The following OPCML variants were observed in gnomAD, a reference collection of about 807,000 sequenced individuals.
The protein encoded by OPCML is opioid binding protein/cell adhesion molecule like.
OPCML carries 13 observed loss-of-function variants against 37.8 expected under a neutral mutation model. The ratio of observed to expected loss-of-function variants is 0.34; its 90% CI spans 0.22 to 0.55. The LOEUF (loss-of-function observed/expected upper bound fraction) is 0.55, where lower values mean the gene tolerates loss of function less well. OPCML is among the 20% of genes least tolerant of loss of function. The pLI, the probability that OPCML is intolerant of heterozygous loss-of-function variation, is 0.91. For synonymous variants in OPCML, 176 were observed against 168.8 expected, an observed-to-expected ratio of 1.04 and a Z score of -0.33; for missense variants, 341 against 435.6, an observed-to-expected ratio of 0.78 and a Z score of 1.93.
chr11:133,242,625 T>A (rs1484000389), intron 1 of OPCML, among the ~76,000 whole-genome samples: 1 of 152,194 alleles, frequency 6.6e-6, no homozygotes, highest in Non-Finnish European at 1.5e-5. Context: ...ATTGTTATGA[T>A]CATATTTAAT....
intron 1 of OPCML, among the ~76,000 whole-genome samples, chr11:133,186,453 T>TTA (rs1299771756): frequency 2.0e-5 from 3 of 149,868 alleles, no homozygotes; most frequent in Non-Finnish European, 4.4e-5. Flanking sequence ...AAGTGGATGC[T>TTA]TACACCAGAT....
chr11:133,215,848 T>C (rs1344901981), intron 1 of OPCML, among the ~76,000 whole-genome samples: 1 of 152,122 alleles, frequency 6.6e-6, no homozygotes, highest in Non-Finnish European at 1.5e-5. Flanking sequence ...AATAAGACTT[T>C]GCACAAGCCG....
intron 1 of OPCML, among the ~76,000 whole-genome samples, chr11:133,373,424 A>AATATATATATATATATATATATAT (rs57417327): frequency 1.9e-3 from 229 of 117,606 alleles, no homozygotes; most frequent in Admixed American, 5.7e-3. Context: ...ACTTAATTAA[A>AATATATATATATATATATATATAT]ATATATATAT....
intron 1 of OPCML, among the ~76,000 whole-genome samples, chr11:132,981,665 A>T (rs1178890068): frequency 3.3e-5 from 5 of 152,218 alleles, no homozygotes; most frequent in Non-Finnish European, 7.3e-5. Flanking sequence ...ACAAAAAGAC[A>T]GCGATGGATG....
intron 1 of OPCML, among the ~76,000 whole-genome samples, chr11:133,436,355 G>T (rs1039019166): frequency 2.0e-5 from 3 of 152,188 alleles, no homozygotes; most frequent in Non-Finnish European, 2.9e-5. Context: ...GAGGCAACGG[G>T]TAAGGAACCG....
chr11:133,083,482 A>G (rs1019744161), intron 1 of OPCML, among the ~76,000 whole-genome samples: 2 of 152,200 alleles, frequency 1.3e-5, no homozygotes, highest in Non-Finnish European at 2.9e-5. Context: ...GGGGCCAGGC[A>G]GGGCCCCGGA....
chr11:132,816,089 G>A (rs12285031), intron 2 of OPCML, among the ~76,000 whole-genome samples: 6,262 of 152,296 alleles, frequency 0.041, 194 homozygotes, highest in Non-Finnish European at 0.071. Flanking sequence ...ACATGTTTGC[G>A]ATAGCTGTGC....
At chr11:133,143,120 T>A (rs1441443566) in intron 1 of OPCML, among the ~76,000 whole-genome samples, 1 of 151,962 alleles carries the variant, frequency 6.6e-6, no homozygotes, top group Non-Finnish European at 1.5e-5. Flanking sequence ...AGCTGGATGT[T>A]GGATGGATGT....
intron 3 of OPCML, among the ~76,000 whole-genome samples, chr11:132,618,859 A>T (rs950342196): frequency 2.6e-5 from 4 of 151,900 alleles, no homozygotes; most frequent in Non-Finnish European, 5.9e-5. Flanking sequence ...CACTCCTTGT[A>T]ACCTGCTCTT....
chr11:133,142,772 G>A (rs1230651419), intron 1 of OPCML, among the ~76,000 whole-genome samples: 1 of 152,076 alleles, frequency 6.6e-6, no homozygotes, highest in Non-Finnish European at 1.5e-5. Context: ...GATGGCTGTT[G>A]TATGATGGGA....
intron 1 of OPCML, among the ~76,000 whole-genome samples, chr11:133,440,085 AT>A (rs1946331214): frequency 6.6e-6 from 1 of 152,256 alleles, no homozygotes; most frequent in South Asian, 2.1e-4. Flanking sequence ...AAAGTCTTTA[AT>A]TTTATAAAAG....
intron 2 of OPCML, among the ~76,000 whole-genome samples, chr11:132,684,582 G>A (rs530002217): frequency 6.6e-6 from 1 of 152,238 alleles, no homozygotes; most frequent in African/African-American, 2.4e-5. Context: ...AGGACAAAAG[G>A]TTCCTAATCC....
chr11:132,963,869 C>T (rs934416689), intron 1 of OPCML, among the ~76,000 whole-genome samples: 10 of 152,100 alleles, frequency 6.6e-5, no homozygotes, highest in African/African-American at 1.9e-4. Context: ...TAGGGTCGGG[C>T]ACCTAAGATT....
intron 1 of OPCML, among the ~76,000 whole-genome samples, chr11:133,486,111 T>C (rs1947520665): frequency 6.6e-6 from 1 of 152,172 alleles, no homozygotes. Flanking sequence ...ATTAAGTCTT[T>C]GTGCAAAAAC....
chr11:132,550,626 A>G (rs894770447), intron 3 of OPCML, among the ~76,000 whole-genome samples: 2 of 152,206 alleles, frequency 1.3e-5, no homozygotes, highest in African/African-American at 4.8e-5. Flanking sequence ...GCAACACAAG[A>G]ATGGCCTAAG....
intron 2 of OPCML, among the ~76,000 whole-genome samples, chr11:132,904,047 T>C (rs1261593322): frequency 1.3e-5 from 2 of 152,206 alleles, no homozygotes; most frequent in African/African-American, 4.8e-5. Flanking sequence ...CAATGATGCC[T>C]GGTGAGTCTT....
intron 4 of OPCML, among the ~76,000 whole-genome samples, chr11:132,477,151 A>G (rs2508944): frequency 0.53 from 79,894 of 151,960 alleles, 21,615 homozygotes; most frequent in East Asian, 0.86. Flanking sequence ...CAACCCAATG[A>G]TTTTCAAATG....
At chr11:133,348,812 T>C (rs181869902) in intron 1 of OPCML, among the ~76,000 whole-genome samples, 14 of 152,278 alleles carry the variant, frequency 9.2e-5, no homozygotes, top group Non-Finnish European at 1.5e-4. Context: ...ACTTCATCGA[T>C]ATTTATACCG....
chr11:133,247,739 AC>A (rs1387119768), intron 1 of OPCML, among the ~76,000 whole-genome samples: 2 of 151,696 alleles, frequency 1.3e-5, no homozygotes, highest in Non-Finnish European at 2.9e-5. Flanking sequence ...AGTAGCTGGG[AC>A]TATCCACATG....
Sources: allele counts gnomAD v4.1 joint callset (sites outside exome capture counted in the v4.1 genomes callset), GRCh38; gene constraint gnomAD v4.1.1; transcripts MANE v1.5; gene names NCBI Gene and HGNC (gene_info 2026-07-23, HGNC 2026-07-21).